ADGRV1: variants seen among roughly 807,000 people sequenced by gnomAD.
ADGRV1 encodes the protein G-protein coupled receptor 98.
In ADGRV1, 359 loss-of-function variants were observed where a neutral mutation model predicts 596.2. The observed-to-expected ratio is 0.60, with a 90% CI of 0.55 to 0.66. ADGRV1 has a LOEUF of 0.66. Ranked by LOEUF, ADGRV1 falls within the 30% of genes least tolerant of loss-of-function variation. ADGRV1 has a pLI of 0.00. For synonymous variants in ADGRV1, 2,681 were observed against 2,679.2 expected, an observed-to-expected ratio of 1.00 and a Z score of -0.02; for missense variants, 7,274 against 7,575.6, an observed-to-expected ratio of 0.96 and a Z score of 1.48.
chr5:90,625,131 T>A lies in ADGRV1; in HGVS notation c.560T>A (p.Val187Glu), dbSNP rs950784228. Residue 187 changes from valine to glutamate, a missense_variant and splice_region_variant, in exon 6 of 90, where the codon GTA becomes GAA. By Grantham distance (121) the Val-to-Glu change is moderately radical (BLOSUM62 -2). This residue lies in a region of ADGRV1 where 1,715 missense variants were observed against 1,708.8 expected (regional missense o/e 1.00). Transcript: ENST00000405460. ...TYGMVMVTFE[V>E]EGGPNPPDED... ...ATGGCATTTTGTGTTTCTTTGCAGG[T>A]AGAGGGTGGCCCAAATCCCCCTGAT... 2 of 1,597,170 alleles carry A rather than the reference T, an allele frequency of 1.3e-6. No homozygotes were observed. The highest frequency in any genetic ancestry group is 1.7e-6 in the Non-Finnish European group (2 of 1,166,184).
intron 1 of ADGRV1, among the ~76,000 whole-genome samples, chr5:90,563,462 A>C (rs1755134694): frequency 6.6e-6 from 1 of 152,246 alleles, no homozygotes; most frequent in South Asian, 2.1e-4. Context: ...ATGAAATACC[A>C]AGCAAATAAG....
At chr5:91,018,680 C>T (rs79233417) in intron 85 of ADGRV1, among the ~76,000 whole-genome samples, 2,898 of 151,972 alleles carry the variant, frequency 0.019, 83 homozygotes, top group African/African-American at 0.065. Context: ...CATTTGGATT[C>T]CTTTATGAAG....
chr5:90,815,640 T>C lies in ADGRV1; in HGVS notation c.16100T>C (p.Ile5367Thr), dbSNP rs1319177881. 1.3e-6 allele frequency: 2 copies of C among 1,569,938 alleles called. No individual in the cohort carries two copies. Among genetic ancestry groups the C allele is most frequent in the Non-Finnish European group, 1.7e-6 (2 of 1,154,712 alleles). The stretch of plus-strand genomic sequence containing the variant: ...TCAGGGAGTGACCTTCACAATGGCA[T>C]CATAGGATTCAGTGAGGAGTCCCAG... ...IITGSDLHNG[I>T]IGFSEESQSG... Residue 5367 changes from isoleucine to threonine, a missense_variant, in exon 75 of 90, where the codon ATC (isoleucine) becomes ACC (threonine). Transcript: ENST00000405460.
chr5:90,887,830 T>C (rs1770446968), intron 83 of ADGRV1, among the ~76,000 whole-genome samples: 1 of 152,222 alleles, frequency 6.6e-6, no homozygotes, highest in South Asian at 2.1e-4. Flanking sequence ...TGATAACATT[T>C]ACTAGCCAAT....
At chr5:90,976,316 G>GTATA (rs1434888267) in intron 84 of ADGRV1, among the ~76,000 whole-genome samples, 8 of 121,474 alleles carry the variant, frequency 6.6e-5, no homozygotes, top group East Asian at 2.1e-4. Flanking sequence ...GTGTGTGTGT[G>GTATA]TGTGTGTATA....
chr5:90,907,572 T>G (rs933997715), intron 83 of ADGRV1, among the ~76,000 whole-genome samples: 1 of 152,056 alleles, frequency 6.6e-6, no homozygotes, highest in Non-Finnish European at 1.5e-5. Context: ...TCCTTGTGGA[T>G]TCCGCAATCC....
intron 83 of ADGRV1, among the ~76,000 whole-genome samples, chr5:90,896,931 T>TG (rs1367335414): frequency 1.3e-5 from 2 of 152,162 alleles, no homozygotes; most frequent in Non-Finnish European, 1.5e-5. Context: ...AGGTTCTTGT[T>TG]GGGGGGCTGA....
intron 85 of ADGRV1, among the ~76,000 whole-genome samples, chr5:91,019,318 G>A (rs895344508): frequency 2.6e-5 from 4 of 152,020 alleles, no homozygotes; most frequent in Admixed American, 1.3e-4. Flanking sequence ...ACCATAATTA[G>A]TAAGTAGTAA....
chr5:90,799,096 G>T (rs1175798843), intron 70 of ADGRV1, among the ~76,000 whole-genome samples: 1 of 152,122 alleles, frequency 6.6e-6, no homozygotes, highest in Non-Finnish European at 1.5e-5. Context: ...ACAAAAGAAA[G>T]GAGTAAAGGA....
chr5:90,977,746 T>A (rs1357818569), intron 84 of ADGRV1, among the ~76,000 whole-genome samples: 2 of 152,204 alleles, frequency 1.3e-5, no homozygotes. Flanking sequence ...TAAGTAAATA[T>A]GCTTATAGAC....
intron 85 of ADGRV1, among the ~76,000 whole-genome samples, chr5:91,011,704 G>A (rs1260240656): frequency 6.6e-6 from 1 of 151,754 alleles, no homozygotes; most frequent in Non-Finnish European, 1.5e-5. Flanking sequence ...GACATTGCCG[G>A]TATTTTCCAT....
intron 83 of ADGRV1, among the ~76,000 whole-genome samples, chr5:90,901,027 C>T (rs1334980060): frequency 6.6e-6 from 1 of 152,018 alleles, no homozygotes; most frequent in Non-Finnish European, 1.5e-5. Context: ...CTCAAGAAGT[C>T]TCCCTCATTC....
At chr5:90,888,973 A>G (rs986076905) in intron 83 of ADGRV1, among the ~76,000 whole-genome samples, 1 of 152,144 alleles carries the variant, frequency 6.6e-6, no homozygotes, top group African/African-American at 2.4e-5. Flanking sequence ...CTAAATGCTG[A>G]CTATCAAATC....
intron 83 of ADGRV1, among the ~76,000 whole-genome samples, chr5:90,928,028 A>T (rs1161920730): frequency 6.6e-6 from 1 of 151,988 alleles, no homozygotes; most frequent in African/African-American, 2.4e-5. Flanking sequence ...CTTCCCTTTG[A>T]GGGTAACCCG....
At chr5:90,941,378 T>C (rs1482959680) in intron 83 of ADGRV1, among the ~76,000 whole-genome samples, 1 of 152,168 alleles carries the variant, frequency 6.6e-6, no homozygotes, top group East Asian at 1.9e-4. Flanking sequence ...AAAATACAAA[T>C]AGCCATTTTT....
At chr5:90,738,137 A>G (rs1753487955) in intron 50 of ADGRV1, among the ~76,000 whole-genome samples, 1 of 152,120 alleles carries the variant, frequency 6.6e-6, no homozygotes, top group African/African-American at 2.4e-5. Flanking sequence ...TACATAAAAC[A>G]TCTTGTACTC....
At chr5:90,792,450 A>G (rs1368734534) in intron 70 of ADGRV1, 1 of 152,216 alleles carries the variant, frequency 6.6e-6, no homozygotes, top group East Asian at 1.9e-4. Context: ...TTAATAAAGA[A>G]AACAAATGGG....
intron 69 of ADGRV1, among the ~76,000 whole-genome samples, 182 bp downstream of exon 69, chr5:90,790,033 A>G (rs1759892478): frequency 6.6e-6 from 1 of 152,258 alleles, no homozygotes; most frequent in Non-Finnish European, 1.5e-5. Flanking sequence ...ATCAACCTCT[A>G]GCTATCTCTC....
intron 21 of ADGRV1, among the ~76,000 whole-genome samples, chr5:90,668,603 A>T (rs1771949776): frequency 1.3e-5 from 2 of 151,602 alleles, no homozygotes; most frequent in African/African-American, 2.4e-5. Flanking sequence ...TGTAGACCAG[A>T]GCTGTTCCTA....
Sources: gnomAD v4.1 joint callset for allele counts (sites outside exome capture counted in the v4.1 genomes callset) on GRCh38, gnomAD v4.1.1 for gene constraint, gnomAD v4.1.1 regional missense constraint, MANE v1.5 for transcripts, NCBI Gene and HGNC (gene_info 2026-07-23, HGNC 2026-07-21) for gene names.